The following MGAT4C variants were observed in gnomAD, a reference collection of about 807,000 sequenced individuals.
The protein encoded by MGAT4C is alpha-1,3-mannosyl-glycoprotein 4-beta-N-acetylglucosaminyltransferase C.
Under a neutral mutation model 40.1 loss-of-function variants are expected in MGAT4C, and 19 were observed. The observed-to-expected ratio is 0.47, with a 90% CI of 0.33 to 0.70. The LOEUF is 0.70. MGAT4C is among the 30% of genes least tolerant of loss of function. MGAT4C has a pLI of 0.02. For missense variants in MGAT4C, 491 were observed against 563.2 expected, an observed-to-expected ratio of 0.87 and a Z score of 1.30; for synonymous variants, 181 against 187.1, an observed-to-expected ratio of 0.97 and a Z score of 0.27.
chr12:86,467,237 T>G (rs1198050364), intron 2 of MGAT4C, among the ~76,000 whole-genome samples: 3 of 152,146 alleles, frequency 2.0e-5, no homozygotes, highest in Non-Finnish European at 4.4e-5. Flanking sequence ...CTCTCTCCTC[T>G]GCAAATTATT....
At chr12:86,475,952 C>T (rs1957829326) in intron 2 of MGAT4C, among the ~76,000 whole-genome samples, 1 of 151,614 alleles carries the variant, frequency 6.6e-6, no homozygotes, top group East Asian at 1.9e-4. Flanking sequence ...TTAAGGTGTA[C>T]AACATGATGT....
intron 2 of MGAT4C, among the ~76,000 whole-genome samples, chr12:85,997,203 A>G (rs1343633319): frequency 6.6e-6 from 1 of 152,220 alleles, no homozygotes; most frequent in East Asian, 1.9e-4. Context: ...TAAAACCATC[A>G]GATATTGTGA....
At chr12:86,089,357 A>G (rs1036891923) in intron 1 of MGAT4C, among the ~76,000 whole-genome samples, 14 of 151,850 alleles carry the variant, frequency 9.2e-5, no homozygotes, top group Non-Finnish European at 1.3e-4. Context: ...TTAAAGTTTT[A>G]TTTGTGGGCT....
chr12:86,564,538 T>TA (rs538307588), intron 2 of MGAT4C, among the ~76,000 whole-genome samples: 8 of 152,206 alleles, frequency 5.3e-5, no homozygotes, highest in Non-Finnish European at 1.0e-4. Flanking sequence ...ACACTGGACT[T>TA]ATTGGTGATA....
At chr12:86,110,761 A>G (rs959620780) in intron 1 of MGAT4C, among the ~76,000 whole-genome samples, 1 of 151,736 alleles carries the variant, frequency 6.6e-6, no homozygotes, top group Non-Finnish European at 1.5e-5. Flanking sequence ...AGGATTTATA[A>G]TACTCAGTTG....
chr12:86,690,437 G>T (rs753545992), intron 2 of MGAT4C, among the ~76,000 whole-genome samples: 1 of 152,156 alleles, frequency 6.6e-6, no homozygotes, highest in Non-Finnish European at 1.5e-5. Context: ...CAGGGCCCTG[G>T]TGGTGTAGGC....
intron 2 of MGAT4C, among the ~76,000 whole-genome samples, chr12:85,997,480 C>T (rs751099460): frequency 1.1e-4 from 17 of 152,150 alleles, no homozygotes; most frequent in South Asian, 2.1e-4. Context: ...AAGTCTCATC[C>T]GAGACAAGGC....
chr12:86,488,942 C>T (rs577910474), intron 2 of MGAT4C, among the ~76,000 whole-genome samples: 4 of 152,206 alleles, frequency 2.6e-5, no homozygotes, highest in South Asian at 2.1e-4. Context: ...TGGCAAAACC[C>T]CACCTTCAAG....
intron 4 of MGAT4C, among the ~76,000 whole-genome samples, chr12:86,296,781 C>T (rs1953691563): frequency 6.6e-6 from 1 of 152,188 alleles, no homozygotes; most frequent in Non-Finnish European, 1.5e-5. Flanking sequence ...TCTCCCTCCA[C>T]ACCTCCCTGC....
At chr12:86,009,590 T>TC (rs1197021041) in intron 2 of MGAT4C, among the ~76,000 whole-genome samples, 1 of 152,014 alleles carries the variant, frequency 6.6e-6, no homozygotes, top group African/African-American at 2.4e-5. Context: ...TCCCACCCCA[T>TC]CCCCCCAATC....
At chr12:86,830,608 T>C (rs1331184116) in intron 1 of MGAT4C, among the ~76,000 whole-genome samples, 1 of 151,842 alleles carries the variant, frequency 6.6e-6, no homozygotes, top group Admixed American at 6.6e-5. Flanking sequence ...ATCTACATAA[T>C]GGTAGGACCT....
intron 1 of MGAT4C, among the ~76,000 whole-genome samples, chr12:86,061,609 G>A (rs571508860): frequency 2.0e-5 from 3 of 152,292 alleles, no homozygotes; most frequent in South Asian, 2.1e-4. Flanking sequence ...AGCCCAGCAA[G>A]CTAAGATCCA....
intron 2 of MGAT4C, among the ~76,000 whole-genome samples, chr12:86,676,157 G>T (rs1337247654): frequency 2.6e-5 from 4 of 152,050 alleles, no homozygotes; most frequent in Non-Finnish European, 5.9e-5. Flanking sequence ...AGTGAGGATT[G>T]AGTTTTGTCC....
At chr12:86,065,331 A>T (rs1894430836) in intron 1 of MGAT4C, among the ~76,000 whole-genome samples, 1 of 152,214 alleles carries the variant, frequency 6.6e-6, no homozygotes, top group African/African-American at 2.4e-5. Context: ...TGGCAAACTG[A>T]ATCCAGCAGC....
intron 2 of MGAT4C, among the ~76,000 whole-genome samples, chr12:86,574,045 T>A (rs2136425321): frequency 6.6e-6 from 1 of 151,954 alleles, no homozygotes; most frequent in Non-Finnish European, 1.5e-5. Context: ...GCTTTAGAGA[T>A]ACTTTTTTTT....
At chr12:86,410,192 T>C (rs150083519) in intron 3 of MGAT4C, among the ~76,000 whole-genome samples, 11 of 152,128 alleles carry the variant, frequency 7.2e-5, no homozygotes, top group African/African-American at 2.4e-5. Flanking sequence ...GAAAACAGGG[T>C]TTGAGAGCAG....
chr12:86,370,770 A>G (rs1230155468), intron 3 of MGAT4C, among the ~76,000 whole-genome samples: 3 of 152,022 alleles, frequency 2.0e-5, no homozygotes, highest in Non-Finnish European at 4.4e-5. Flanking sequence ...ATATGTATGC[A>G]TAATTTCCCG....
intron 3 of MGAT4C, among the ~76,000 whole-genome samples, chr12:86,413,489 G>A (rs1956646168): frequency 6.6e-6 from 1 of 152,188 alleles, no homozygotes; most frequent in African/African-American, 2.4e-5. Flanking sequence ...TAAATTAGGT[G>A]AGAAGGGACA....
At chr12:86,376,985 AT>A (rs1955839858) in intron 3 of MGAT4C, among the ~76,000 whole-genome samples, 1 of 148,566 alleles carries the variant, frequency 6.7e-6, no homozygotes, top group South Asian at 2.1e-4. Flanking sequence ...TCATTTTCAT[AT>A]TTTTCTACAT....
Sources: allele counts gnomAD v4.1 joint callset (sites outside exome capture counted in the v4.1 genomes callset), GRCh38; gene constraint gnomAD v4.1.1; transcripts MANE v1.5; gene names NCBI Gene and HGNC (gene_info 2026-07-23, HGNC 2026-07-21).